The following CEP192 variants were observed in gnomAD, a reference collection of about 807,000 sequenced individuals.
The protein encoded by CEP192 is centrosomal protein 192.
In CEP192, 151 loss-of-function variants were observed where a neutral mutation model predicts 271.8. That is an observed-to-expected ratio of 0.56 (90% CI 0.49 to 0.64). CEP192 has a LOEUF of 0.64. CEP192 is among the 30% of genes least tolerant of loss of function. The probability of loss-of-function intolerance (pLI) is 0.00; values close to 1 mark genes in which losing one functional copy is unlikely to be tolerated. For synonymous variants in CEP192, 995 were observed against 1,076.5 expected (o/e 0.92, Z 1.48); for missense variants, 2,910 against 3,020.5 (o/e 0.96, Z 0.86).
At chr18:13,088,949 G>T in intron 32 of CEP192, 1 of 428,996 alleles carries the variant, frequency 2.3e-6, no homozygotes, top group Non-Finnish European at 4.7e-6. Context: ...ATAGAAATCA[G>T]CGTATTGTTT....
At position 13,069,120 on chromosome 18, in the gene CEP192, C is replaced by T; in HGVS notation, c.4994C>T (p.Ser1665Leu). Residue 1665 changes from serine (S) to leucine (L), a missense_variant, in exon 26 of 45, where the codon TCA becomes TTA. Ser to Leu is a moderately radical substitution (Grantham distance 145, BLOSUM62 -2). Coordinates refer to ENST00000506447, the MANE Select transcript of CEP192 (RefSeq NM_032142.4). ...TMHFLAKVAS[S>L]RKQHLPLKNA... is the part of the protein sequence containing the mutation. The stretch of plus-strand genomic sequence containing the variant: ...CATTTCTTGGCCAAAGTGGCTTCCT[C>T]AAGAAAGCAGCACTTACCTTTGAAA... 6.2e-7 allele frequency: 1 copy of T among 1,614,162 alleles called. No homozygotes were observed. Among genetic ancestry groups the T allele is most frequent in the African/African-American group, 1.3e-5 (1 of 75,036 alleles).
intron 26 of CEP192, among the ~76,000 whole-genome samples, 185 bp from the exon 27 acceptor site, chr18:13,069,553 G>A (rs963132600): frequency 1.3e-5 from 2 of 152,156 alleles, no homozygotes; most frequent in Non-Finnish European, 2.9e-5. Flanking sequence ...GGAAGATAAG[G>A]TTTGTTGTAG....
At chr18:13,107,736 A>G (rs904867729) in intron 40 of CEP192, among the ~76,000 whole-genome samples, 1 of 152,298 alleles carries the variant, frequency 6.6e-6, no homozygotes, top group Middle Eastern at 3.4e-3. Context: ...AATTGTTTTT[A>G]TTTTTCCTAT....
chr18:13,074,240 C>T (rs116730098), intron 30 of CEP192, among the ~76,000 whole-genome samples: 2,234 of 152,290 alleles, frequency 0.015, 56 homozygotes, highest in African/African-American at 0.048. Context: ...ACAGCTTTGA[C>T]GCTGGAGCTT....
At chr18:13,034,957 C>G (rs547599094) in intron 11 of CEP192, among the ~76,000 whole-genome samples, 7 of 152,130 alleles carry the variant, frequency 4.6e-5, no homozygotes, top group African/African-American at 1.4e-4. Context: ...GGGGGAAACA[C>G]AAATGGGCTG....
chr18:13,018,715 A>ACT, intron 8 of CEP192, 100 bp downstream of exon 8: 1 of 822,154 alleles, frequency 1.2e-6, no homozygotes, highest in East Asian at 2.9e-5. Flanking sequence ...GCATATATTA[A>ACT]CTCTTCTAGT....
At position 13,018,515 on chromosome 18, in the gene CEP192, A is replaced by G. The variant is rs1003442364; in HGVS notation, c.825A>G (p.Gln275=). 2 of 1,540,422 alleles carry G rather than the reference A, an allele frequency of 1.3e-6. No individual in the cohort carries two copies. Among genetic ancestry groups the G allele is most frequent in the Admixed American group, 2.0e-5 (1 of 50,430 alleles). Reference sequence around the variant, plus strand: ...ACGGTAGCTTAAACTGCAAGTTTCAATCAGAAAATAACAGCTCTCTGATTT... The same window carrying G: ...ACGGTAGCTTAAACTGCAAGTTTCAGTCAGAAAATAACAGCTCTCTGATTT... ...NENGSLNCKF[Q]SENNSSLISL... Residue 275 remains glutamine (Q), a synonymous_variant, in exon 8 of 45, where the codon CAA becomes CAG. Transcript: ENST00000506447.
chr18:13,018,492 G>A lies in CEP192; in HGVS notation c.802G>A (p.Gly268Ser), dbSNP rs771405224. ...ATTCTTTCAACAGGCAAATGAAAAC[G>A]GTAGCTTAAACTGCAAGTTTCAATC... Reference protein sequence around the residue: ...TNGLRQANENGSLNCKFQSEN... With the variant: ...TNGLRQANENSSLNCKFQSEN... The change falls in exon 8 of 45, where the codon GGT becomes AGT. Residue 268 changes from glycine (G) to serine (S), a missense_variant. Coordinates refer to ENST00000506447, the MANE Select transcript of CEP192 (RefSeq NM_032142.4). The A allele has an allele frequency of 5.2e-6, 8 of 1,524,806 alleles. No individual in the cohort carries two copies. In the East Asian group the frequency reaches 7.4e-5, roughly 14 times the overall value. The allele number at this position is 1,524,806 out of a possible 1,614,324, so 94.5% of individuals were successfully genotyped here.
At chr18:13,073,498 T>C (rs1057212879) in intron 30 of CEP192, among the ~76,000 whole-genome samples, 2 of 152,252 alleles carry the variant, frequency 1.3e-5, no homozygotes, top group Admixed American at 6.5e-5. Flanking sequence ...GTTTAAGATA[T>C]TAACTTTCCC....
At chr18:13,066,228 A>G (rs949030973) in intron 21 of CEP192, among the ~76,000 whole-genome samples, 1 of 152,248 alleles carries the variant, frequency 6.6e-6, no homozygotes, top group African/African-American at 2.4e-5. Context: ...AACATTGTTA[A>G]CAGATTTATC....
chr18:13,018,374 C>T, intron 7 of CEP192, 106 bp from the exon 8 acceptor site: 1 of 663,924 alleles, frequency 1.5e-6, no homozygotes, highest in Non-Finnish European at 2.4e-6. Flanking sequence ...TTTCTAATTC[C>T]TTCTACACTT....
chr18:13,099,752 T>A (rs1405508278), intron 37 of CEP192, among the ~76,000 whole-genome samples, 171 bp downstream of exon 37: 2 of 152,206 alleles, frequency 1.3e-5, no homozygotes, highest in Middle Eastern at 6.3e-3. Context: ...TTGAAATTAT[T>A]TGGGGAAAAA....
chr18:13,014,742 T>C (rs2034546824), intron 5 of CEP192, among the ~76,000 whole-genome samples: 1 of 152,174 alleles, frequency 6.6e-6, no homozygotes, highest in African/African-American at 2.4e-5. Context: ...GTTTCTGTCT[T>C]AAAAATCAGT....
chr18:13,041,187 A>G (rs1259438760), intron 14 of CEP192, among the ~76,000 whole-genome samples: 3 of 152,186 alleles, frequency 2.0e-5, no homozygotes, highest in Non-Finnish European at 4.4e-5. Context: ...ACAGTAAATG[A>G]AATAATTTCA....
chr18:13,106,808 A>C (rs1185183372), intron 40 of CEP192, among the ~76,000 whole-genome samples: 1 of 152,242 alleles, frequency 6.6e-6, no homozygotes, highest in Non-Finnish European at 1.5e-5. Flanking sequence ...ACCCTCAACT[A>C]CAACCACACC....
At chr18:13,074,143 C>G (rs66911492) in intron 30 of CEP192, among the ~76,000 whole-genome samples, 20,797 of 148,306 alleles carry the variant, frequency 0.14, 1,563 homozygotes, top group East Asian at 0.31. Flanking sequence ...AATTTTTGTT[C>G]TATATCCTAG....
chr18:13,042,390 A>G (rs1751094642), intron 15 of CEP192, 56 bp downstream of exon 15: 2 of 1,577,650 alleles, frequency 1.3e-6, no homozygotes, highest in Non-Finnish European at 1.7e-6. Context: ...GTTCTTATCT[A>G]GGATCAAGAC....
At chr18:13,046,369 A>T in intron 15 of CEP192, among the ~76,000 whole-genome samples, 1 of 152,216 alleles carries the variant, frequency 6.6e-6, no homozygotes. Context: ...TTGGAGGGGC[A>T]TCCAACTATA....
At position 13,078,043 on chromosome 18, in the gene CEP192, G is replaced by A. The variant is rs149930080; in HGVS notation, c.5616+4858G>A. ...GGTGGTTTGCTGCACACATCTACCC[G>A]TCATCTACATTAGGTATTTCTCCTA... On this transcript the variant is annotated intron_variant, in intron 30 of 44. Transcript: ENST00000506447. 5.9e-3 allele frequency among the ~76,000 whole-genome samples: 902 copies of A among 152,178 alleles called. 9 individuals carry two copies. The highest frequency in any genetic ancestry group is 0.021 in the African/African-American group (867 of 41,516).
Sources: gnomAD v4.1 joint callset for allele counts (sites outside exome capture counted in the v4.1 genomes callset) on GRCh38, gnomAD v4.1.1 for gene constraint, MANE v1.5 for transcripts, NCBI Gene and HGNC (gene_info 2026-07-23, HGNC 2026-07-21) for gene names.